Variants in SORCS3 observed in about 807,000 individuals in gnomAD.
SORCS3 encodes sortilin related VPS10 domain containing receptor 3, also known as VPS10 domain-containing receptor SorCS3.
A neutral mutation model predicts 146.3 loss-of-function variants in SORCS3; 57 were observed. The observed-to-expected ratio is 0.39, with a 90% CI of 0.31 to 0.49. The LOEUF (loss-of-function observed/expected upper bound fraction) is 0.49, where lower values mean the gene tolerates loss of function less well. Among genes scored for constraint, SORCS3 ranks in the 20% least tolerant of loss-of-function variants. The probability of loss-of-function intolerance (pLI) is 0.92; values close to 1 mark genes in which losing one functional copy is unlikely to be tolerated. For missense variants in SORCS3, 1,341 were observed against 1,575.5 expected (o/e 0.85, Z 2.52); for synonymous variants, 653 against 618.5 (o/e 1.06, Z -0.83).
At chr10:105,185,645 A>G (rs538414533) in intron 14 of SORCS3, among the ~76,000 whole-genome samples, 1 of 152,360 alleles carries the variant, frequency 6.6e-6, no homozygotes, top group East Asian at 1.9e-4. Flanking sequence ...ATAATATTAC[A>G]AAGCTTGTGT....
chr10:104,924,765 C>T (rs35967325), intron 3 of SORCS3, among the ~76,000 whole-genome samples: 1,769 of 152,284 alleles, frequency 0.012, 10 homozygotes, highest in Non-Finnish European at 0.017. Context: ...GATAAAAGAT[C>T]ACTTACCTGT....
intron 4 of SORCS3, among the ~76,000 whole-genome samples, chr10:105,039,293 C>A (rs1341239556): frequency 6.6e-6 from 1 of 152,112 alleles, no homozygotes; most frequent in East Asian, 1.9e-4. Flanking sequence ...TAGGAGCCTG[C>A]TCTTTCTGTT....
At chr10:104,859,316 G>A (rs1210616183) in intron 2 of SORCS3, among the ~76,000 whole-genome samples, 1 of 152,124 alleles carries the variant, frequency 6.6e-6, no homozygotes, top group Non-Finnish European at 1.5e-5. Context: ...AAGCAATGGG[G>A]AAAGGATTCC....
chr10:105,205,441 C>T (rs2056596884), intron 16 of SORCS3, among the ~76,000 whole-genome samples: 1 of 152,050 alleles, frequency 6.6e-6, no homozygotes, highest in South Asian at 2.1e-4. Context: ...CTCATAAATC[C>T]ACCAGCCTCA....
intron 2 of SORCS3, among the ~76,000 whole-genome samples, chr10:104,901,492 G>A (rs2018850626): frequency 6.6e-6 from 1 of 152,128 alleles, no homozygotes. Context: ...CAATGTATCA[G>A]GGAGTGTGCA....
chr10:104,886,464 T>C (rs1402367021), intron 2 of SORCS3, among the ~76,000 whole-genome samples: 2 of 152,124 alleles, frequency 1.3e-5, no homozygotes, highest in South Asian at 2.1e-4. Flanking sequence ...ATACACAGAA[T>C]ATGTCCAGAT....
intron 2 of SORCS3, among the ~76,000 whole-genome samples, chr10:104,905,325 G>A (rs2018894235): frequency 6.6e-6 from 1 of 152,134 alleles, no homozygotes; most frequent in Non-Finnish European, 1.5e-5. Context: ...TGGAAACTGG[G>A]AATTTCCTCT....
chr10:104,772,982 A>C (rs1416868300), intron 1 of SORCS3, among the ~76,000 whole-genome samples: 2 of 152,158 alleles, frequency 1.3e-5, no homozygotes, highest in African/African-American at 4.8e-5. Context: ...ATAATTAGTA[A>C]ATTACTTGCA....
chr10:105,111,524 A>G (rs897644031), intron 7 of SORCS3, among the ~76,000 whole-genome samples: 1 of 152,212 alleles, frequency 6.6e-6, no homozygotes, highest in East Asian at 1.9e-4. Flanking sequence ...TTCTGCAGCT[A>G]ACAATACAGG....
intron 1 of SORCS3, among the ~76,000 whole-genome samples, chr10:104,692,544 G>A (rs561993516): frequency 5.3e-5 from 8 of 152,272 alleles, no homozygotes; most frequent in African/African-American, 1.7e-4. Context: ...GCATACAGTG[G>A]GTGCTCCATA....
intron 4 of SORCS3, among the ~76,000 whole-genome samples, chr10:105,017,817 C>T (rs1222090449): frequency 6.6e-6 from 1 of 152,162 alleles, no homozygotes; most frequent in Non-Finnish European, 1.5e-5. Context: ...TTAGAAGGAA[C>T]TCACTGAGAT....
At chr10:104,905,728 G>A (rs2018898066) in intron 2 of SORCS3, among the ~76,000 whole-genome samples, 1 of 152,152 alleles carries the variant, frequency 6.6e-6, no homozygotes. Flanking sequence ...AAGCCGATAC[G>A]ATGCTCTCTG....
At chr10:105,041,089 T>G (rs1265741133) in intron 4 of SORCS3, among the ~76,000 whole-genome samples, 2 of 137,990 alleles carry the variant, frequency 1.4e-5, no homozygotes, top group African/African-American at 5.6e-5. Context: ...GTATATATAT[T>G]TATATATATA....
At chr10:105,209,332 G>A (rs896300066) in intron 16 of SORCS3, among the ~76,000 whole-genome samples, 3 of 151,850 alleles carry the variant, frequency 2.0e-5, no homozygotes, top group Admixed American at 2.0e-4. Context: ...TAGTAGAGAC[G>A]GGGTTTCACC....
At chr10:105,124,779 G>T (rs886339544) in intron 7 of SORCS3, among the ~76,000 whole-genome samples, 3 of 152,024 alleles carry the variant, frequency 2.0e-5, no homozygotes, top group African/African-American at 4.8e-5. Flanking sequence ...TCGAGGCCAG[G>T]CAAGATTGCT....
At chr10:104,680,494 C>T (rs2015958424) in intron 1 of SORCS3, among the ~76,000 whole-genome samples, 2 of 152,226 alleles carry the variant, frequency 1.3e-5, no homozygotes, top group Admixed American at 6.5e-5. Flanking sequence ...CGTGTGGACT[C>T]TGAAGTCAGG....
At chr10:105,210,790 A>G (rs2056628789) in intron 16 of SORCS3, among the ~76,000 whole-genome samples, 1 of 152,196 alleles carries the variant, frequency 6.6e-6, no homozygotes, top group Non-Finnish European at 1.5e-5. Context: ...TACTTATTTC[A>G]ATAATTCTAC....
intron 5 of SORCS3, among the ~76,000 whole-genome samples, chr10:105,081,897 T>A (rs770038704): frequency 2.6e-5 from 4 of 152,152 alleles, no homozygotes; most frequent in South Asian, 2.1e-4. Flanking sequence ...AAGGTAAACA[T>A]GACATGGGAC....
At chr10:104,949,104 T>C (rs2019402238) in intron 3 of SORCS3, among the ~76,000 whole-genome samples, 1 of 152,172 alleles carries the variant, frequency 6.6e-6, no homozygotes, top group Non-Finnish European at 1.5e-5. Flanking sequence ...CCACAATTTT[T>C]TTTTTCATGC....
Sources: allele counts gnomAD v4.1 joint callset (sites outside exome capture counted in the v4.1 genomes callset), GRCh38; gene constraint gnomAD v4.1.1; transcripts MANE v1.5; gene names NCBI Gene and HGNC (gene_info 2026-07-23, HGNC 2026-07-21).